Variants in MMP26 observed in about 807,000 individuals in gnomAD.
The protein encoded by MMP26 is matrix metalloproteinase-26.
Under a neutral mutation model 31.0 loss-of-function variants are expected in MMP26, and 33 were observed. The observed-to-expected ratio is 1.06, with a 90% CI of 0.81 to 1.42. The LOEUF is 1.42. MMP26 is among the 40% of genes most tolerant of loss of function. The pLI, the probability that MMP26 is intolerant of heterozygous loss-of-function variation, is 0.00. For synonymous variants in MMP26, 122 were observed against 114.9 expected (o/e 1.06, Z -0.40); for missense variants, 347 against 316.1 (o/e 1.10, Z -0.74).
chr11:4,813,821 T>C (rs1849383456), intron 2 of MMP26, among the ~76,000 whole-genome samples: 1 of 149,072 alleles, frequency 6.7e-6, no homozygotes, highest in Non-Finnish European at 1.5e-5. Flanking sequence ...TGATCTTCAT[T>C]AAAATAAAAA....
intron 2 of MMP26, among the ~76,000 whole-genome samples, chr11:4,775,595 T>A (rs1848780632): frequency 6.6e-6 from 1 of 152,082 alleles, no homozygotes; most frequent in Admixed American, 6.6e-5. Flanking sequence ...AAACAGAGGT[T>A]TATTTGGCTC....
At chr11:4,724,888 G>C (rs555948374) in intron 1 of MMP26, among the ~76,000 whole-genome samples, 2 of 152,308 alleles carry the variant, frequency 1.3e-5, no homozygotes, top group South Asian at 4.1e-4. Flanking sequence ...AGTTATTATA[G>C]ACTGATATGG....
intron 2 of MMP26, among the ~76,000 whole-genome samples, chr11:4,905,593 TTCTTCTCTC>T (rs1850873910): frequency 6.6e-6 from 1 of 152,130 alleles, no homozygotes; most frequent in Admixed American, 6.5e-5. Context: ...ATAGCTTGTC[TTCTTCTCTC>T]TAGCCTTCCA....
At chr11:4,881,943 T>G (rs769106218) in intron 2 of MMP26, 2 of 1,613,888 alleles carry the variant, frequency 1.2e-6, no homozygotes, top group South Asian at 2.2e-5. Flanking sequence ...TCAAACTTCC[T>G]CCTCACTGCA....
At chr11:4,926,765 G>GA (rs201760056) in intron 2 of MMP26, among the ~76,000 whole-genome samples, 10 of 151,768 alleles carry the variant, frequency 6.6e-5, no homozygotes, top group East Asian at 3.9e-4. Context: ...AAGGTATGAG[G>GA]AAAAAAAATA....
chr11:4,946,788 A>C (rs1846317244), intron 2 of MMP26: 1 of 1,587,686 alleles, frequency 6.3e-7, no homozygotes, highest in Non-Finnish European at 8.6e-7. Flanking sequence ...CCATGAATGA[A>C]GAATTCCTGG....
At chr11:4,824,517 C>T (rs114363653) in intron 2 of MMP26, among the ~76,000 whole-genome samples, 28 of 152,210 alleles carry the variant, frequency 1.8e-4, no homozygotes, top group African/African-American at 4.3e-4. Flanking sequence ...CTACAGAGTA[C>T]GGCAACTGCT....
chr11:4,888,488 A>C (rs1316143130), intron 2 of MMP26, among the ~76,000 whole-genome samples: 4 of 152,148 alleles, frequency 2.6e-5, no homozygotes, highest in Non-Finnish European at 4.4e-5. Flanking sequence ...AAGAACCATT[A>C]TTTTAGAACA....
chr11:4,769,628 T>C, intron 2 of MMP26: 1 of 1,603,174 alleles, frequency 6.2e-7, no homozygotes, highest in South Asian at 1.1e-5. Context: ...AATGCAGCTA[T>C]ATAGACTGAT....
intron 2 of MMP26, among the ~76,000 whole-genome samples, chr11:4,834,233 C>T (rs1455982905): frequency 6.6e-6 from 1 of 152,046 alleles, no homozygotes; most frequent in East Asian, 1.9e-4. Flanking sequence ...TTGGATGCTG[C>T]CTTCTGAATT....
intron 1 of MMP26, among the ~76,000 whole-genome samples, chr11:4,707,195 A>G (rs1408512323): frequency 6.6e-6 from 1 of 152,006 alleles, no homozygotes; most frequent in Non-Finnish European, 1.5e-5. Context: ...AACACTTGCT[A>G]TTGTTTTTTA....
intron 2 of MMP26, among the ~76,000 whole-genome samples, chr11:4,775,780 G>T (rs1000770152): frequency 6.6e-6 from 1 of 152,008 alleles, no homozygotes; most frequent in Non-Finnish European, 1.5e-5. Flanking sequence ...GAAAGAGAGA[G>T]AGAGAGAAGG....
At chr11:4,781,340 G>A (rs558704713) in intron 2 of MMP26, among the ~76,000 whole-genome samples, 2 of 71,698 alleles carry the variant, frequency 2.8e-5, no homozygotes, top group South Asian at 3.0e-4. Flanking sequence ...GAGGTCAGGA[G>A]ATCGAGACCA....
chr11:4,845,388 A>G (rs1189475126), intron 2 of MMP26, among the ~76,000 whole-genome samples: 2 of 152,172 alleles, frequency 1.3e-5, no homozygotes, highest in Non-Finnish European at 2.9e-5. Flanking sequence ...GACATTCTTC[A>G]CAGAAATAGA....
At chr11:4,744,125 T>C (rs1243637334) in intron 1 of MMP26, among the ~76,000 whole-genome samples, 2 of 152,148 alleles carry the variant, frequency 1.3e-5, no homozygotes, top group African/African-American at 4.8e-5. Flanking sequence ...CCCATGTCTA[T>C]TTCTACTCTT....
At chr11:4,769,788 T>A in intron 2 of MMP26, 2 of 1,613,708 alleles carry the variant, frequency 1.2e-6, no homozygotes, top group South Asian at 2.2e-5. Flanking sequence ...ATCACGCTGT[T>A]CCCAGAGAGG....
chr11:4,987,903 CT>C (rs974448945), intron 2 of MMP26, among the ~76,000 whole-genome samples, 164 bp from the exon 3 acceptor site: 1 of 152,098 alleles, frequency 6.6e-6, no homozygotes, highest in African/African-American at 2.4e-5. Flanking sequence ...GTTTTCCCCC[CT>C]ATTTTAAAAA....
Position 4,908,498 on chromosome 11 carries a change from G to A in MMP26, c.-144-79570G>A, listed in dbSNP as rs534071955. The A allele has an allele frequency of 2.2e-4, 137 of 612,382 alleles. No individual in the cohort carries two copies. The African/African-American group carries it at 2.4e-3, about 11-fold the overall frequency. The allele number at this position is 612,382 out of a possible 1,614,324, so 37.9% of individuals were successfully genotyped here. A position where few individuals can be genotyped will look rare whatever the true frequency, so the allele number is the denominator to read the frequency against. ...GAAAAAAAAGTCAAGAGATATATAAGATATAGAGGTTTAATTAACATTTTA... is the reference window on the plus strand; with the variant it reads ...GAAAAAAAAGTCAAGAGATATATAAAATATAGAGGTTTAATTAACATTTTA... On this transcript the variant is annotated intron_variant, in intron 2 of 7. Transcript: ENST00000380390.
At chr11:4,938,490 C>T (rs1200865751) in intron 2 of MMP26, among the ~76,000 whole-genome samples, 1 of 150,132 alleles carries the variant, frequency 6.7e-6, no homozygotes, top group African/African-American at 2.4e-5. Context: ...GAAAGCCAAA[C>T]ATAAAAGCAA....
Sources: gnomAD v4.1 joint callset for allele counts (sites outside exome capture counted in the v4.1 genomes callset) on GRCh38, gnomAD v4.1.1 for gene constraint, MANE v1.5 for transcripts, NCBI Gene and HGNC (gene_info 2026-07-23, HGNC 2026-07-21) for gene names.